SEMA5A: variants seen among roughly 807,000 people sequenced by gnomAD.
SEMA5A encodes the protein semaphorin 5A, also known as semaphorin-5A.
SEMA5A carries 55 observed loss-of-function variants against 135.5 expected under a neutral mutation model. The observed-to-expected ratio is 0.41, with a 90% CI of 0.33 to 0.51. SEMA5A has a LOEUF of 0.51. Ranked by LOEUF, SEMA5A falls within the 20% of genes least tolerant of loss-of-function variation. The probability of loss-of-function intolerance (pLI) is 0.37; values close to 1 mark genes in which losing one functional copy is unlikely to be tolerated. For missense variants in SEMA5A, 1,290 were observed against 1,419.9 expected, an observed-to-expected ratio of 0.91 and a Z score of 1.47; for synonymous variants, 580 against 546.5, an observed-to-expected ratio of 1.06 and a Z score of -0.85.
Position 9,145,242 on chromosome 5 carries a change from C to T in SEMA5A, c.1482-8621G>A, listed in dbSNP as rs193192840. Among the ~76,000 whole-genome samples, 27 of 152,206 alleles carry T rather than the reference C, an allele frequency of 1.8e-4. No individual in the cohort carries two copies. The East Asian group carries it at 4.6e-3, about 26-fold the overall frequency. ...TCTTGTGTCAAATTCTTATTAAGTA[C>T]CAGCCCCCTAACATAGCCTCTCTCT... On this transcript the variant is annotated intron_variant, in intron 12 of 22. Transcript: ENST00000382496.
intron 21 of SEMA5A, among the ~76,000 whole-genome samples, chr5:9,047,871 G>A (rs182171128): frequency 3.2e-4 from 49 of 152,268 alleles, no homozygotes; most frequent in Non-Finnish European, 6.9e-4. Context: ...AGACACACAG[G>A]AGTAGTATTT....
At chr5:9,096,661 C>G (rs1250686742) in intron 16 of SEMA5A, among the ~76,000 whole-genome samples, 2 of 150,996 alleles carry the variant, frequency 1.3e-5, no homozygotes, top group Non-Finnish European at 2.9e-5. Context: ...GAAATGGCAA[C>G]CTACATGTTG....
chr5:9,331,206 T>G (rs1460089897), intron 4 of SEMA5A, among the ~76,000 whole-genome samples: 2 of 152,168 alleles, frequency 1.3e-5, no homozygotes, highest in African/African-American at 2.4e-5. Context: ...CAAGGTAAAA[T>G]TTTCAAGTAA....
At chr5:9,431,165 A>G (rs933066595) in intron 2 of SEMA5A, among the ~76,000 whole-genome samples, 1 of 152,262 alleles carries the variant, frequency 6.6e-6, no homozygotes, top group Admixed American at 6.5e-5. Context: ...ACATCACTGT[A>G]GTAAGGAGGT....
chr5:9,056,928 G>T (rs1157412512), intron 18 of SEMA5A, among the ~76,000 whole-genome samples: 1 of 152,166 alleles, frequency 6.6e-6, no homozygotes, highest in East Asian at 1.9e-4. Flanking sequence ...TACATACAAT[G>T]AAATACTATT....
At chr5:9,331,945 A>G (rs1324113720) in intron 4 of SEMA5A, among the ~76,000 whole-genome samples, 1 of 152,250 alleles carries the variant, frequency 6.6e-6, no homozygotes, top group Non-Finnish European at 1.5e-5. Flanking sequence ...TTGCACATAC[A>G]TTTATACAGA....
intron 1 of SEMA5A, among the ~76,000 whole-genome samples, chr5:9,438,628 C>T (rs1342066522): frequency 1.3e-5 from 2 of 152,224 alleles, no homozygotes; most frequent in South Asian, 2.1e-4. Flanking sequence ...ACTTCAAATA[C>T]TGCATTTCAG....
At chr5:9,293,393 C>A (rs1040507799) in intron 5 of SEMA5A, among the ~76,000 whole-genome samples, 17 of 151,684 alleles carry the variant, frequency 1.1e-4, no homozygotes, top group Non-Finnish European at 2.1e-4. Context: ...ATCTCCTCAC[C>A]CAGGGCCATA....
rs145407635 is a variant in SEMA5A at position 9,272,997 on chromosome 5, C to T, written c.271-35107G>A. ...TCACCAGCAAGGGAACAAAACTGGACGGAGAATGAGTTTGATGAATTGACA... is the reference window on the plus strand; with the variant it reads ...TCACCAGCAAGGGAACAAAACTGGATGGAGAATGAGTTTGATGAATTGACA... On this transcript the variant is annotated intron_variant, in intron 5 of 22. Coordinates refer to ENST00000382496, the MANE Select transcript of SEMA5A (RefSeq NM_003966.3). 2.7e-3 allele frequency among the ~76,000 whole-genome samples: 406 copies of T among 152,184 alleles called. 4 individuals carry two copies. The highest frequency in any genetic ancestry group is 9.0e-3 in the African/African-American group (374 of 41,540).
intron 2 of SEMA5A, among the ~76,000 whole-genome samples, chr5:9,412,591 A>ATTTTTTTTTT (rs201599831): frequency 5.4e-5 from 6 of 110,360 alleles, no homozygotes; most frequent in Non-Finnish European, 5.4e-5. Flanking sequence ...CAGATTTTGC[A>ATTTTTTTTTT]TTTTTTTTTT....
rs1296987438 is a variant in SEMA5A, at chr5:9,040,337, G to A, written c.*2560C>T. ...TTCCAAACAGCCCAGGCCTAAGGAA[G>A]AGCGGCTTTATGAAGGAGTTTCCAA... On this transcript the variant is annotated 3_prime_UTR_variant, in exon 23 of 23. Coordinates refer to ENST00000382496, the MANE Select transcript of SEMA5A (RefSeq NM_003966.3). The A allele has an allele frequency of 6.6e-6, 1 of 152,242 alleles. No individual in the cohort carries two copies. The highest frequency in any genetic ancestry group is 1.9e-4 in the East Asian group (1 of 5,178). 9.4% of individuals were successfully genotyped at this position (152,242 alleles called of 1,614,324 possible). A position where few individuals can be genotyped will look rare whatever the true frequency, so the allele number is the denominator to read the frequency against.
chr5:9,295,524 G>A (rs1751293855), intron 5 of SEMA5A, among the ~76,000 whole-genome samples: 1 of 152,118 alleles, frequency 6.6e-6, no homozygotes, highest in Non-Finnish European at 1.5e-5. Flanking sequence ...GAGTGACTGG[G>A]GAGAAGGACG....
chr5:9,370,994 C>T (rs946050280), intron 3 of SEMA5A, among the ~76,000 whole-genome samples: 7 of 152,112 alleles, frequency 4.6e-5, no homozygotes, highest in South Asian at 2.1e-4. Flanking sequence ...AATACAATAA[C>T]GTACCATTTG....
intron 5 of SEMA5A, among the ~76,000 whole-genome samples, chr5:9,316,987 C>A (rs888221048): frequency 2.0e-5 from 3 of 152,128 alleles, no homozygotes; most frequent in African/African-American, 7.2e-5. Context: ...TGGAAACCAC[C>A]AGTCCACTCT....
intron 1 of SEMA5A, among the ~76,000 whole-genome samples, chr5:9,493,270 T>C (rs1228915284): frequency 1.4e-5 from 2 of 145,356 alleles, no homozygotes; most frequent in Admixed American, 7.1e-5. Flanking sequence ...CCTGTAAATA[T>C]GTATGTAGCA....
At chr5:9,528,327 A>G (rs1198006995) in intron 1 of SEMA5A, among the ~76,000 whole-genome samples, 1 of 152,186 alleles carries the variant, frequency 6.6e-6, no homozygotes, top group Non-Finnish European at 1.5e-5. Context: ...TTCAGGCTAC[A>G]AGTTCAGGTC....
chr5:9,352,420 T>C (rs1754169687), intron 3 of SEMA5A, among the ~76,000 whole-genome samples: 1 of 152,194 alleles, frequency 6.6e-6, no homozygotes, highest in Non-Finnish European at 1.5e-5. Flanking sequence ...TGGCTAATTT[T>C]TGTATTTTTC....
intron 1 of SEMA5A, among the ~76,000 whole-genome samples, chr5:9,466,809 A>T (rs1316398474): frequency 6.6e-6 from 1 of 152,080 alleles, no homozygotes; most frequent in Admixed American, 6.6e-5. Flanking sequence ...ATTGGGATCC[A>T]CTCCCAATGA....
intron 18 of SEMA5A, among the ~76,000 whole-genome samples, chr5:9,055,105 C>T (rs569110299): frequency 7.5e-4 from 114 of 152,210 alleles, no homozygotes; most frequent in Middle Eastern, 3.4e-3. Context: ...GTCAGGTGGC[C>T]CACCTGAATC....
Sources: gnomAD v4.1 joint callset for allele counts (sites outside exome capture counted in the v4.1 genomes callset) on GRCh38, gnomAD v4.1.1 for gene constraint, MANE v1.5 for transcripts, NCBI Gene and HGNC (gene_info 2026-07-23, HGNC 2026-07-21) for gene names.